CPLANE1: variants seen among roughly 807,000 people sequenced by gnomAD.
CPLANE1 encodes ciliogenesis and planar polarity effector 1.
Under a neutral mutation model 362.5 loss-of-function variants are expected in CPLANE1, and 263 were observed. The observed-to-expected ratio is 0.73, with a 90% confidence interval of 0.66 to 0.80. The LOEUF (loss-of-function observed/expected upper bound fraction) is 0.80, where lower values mean the gene tolerates loss of function less well. Among genes scored for constraint, CPLANE1 ranks in the 30% least tolerant of loss-of-function variants. The probability of loss-of-function intolerance (pLI) is 0.00; values close to 1 mark genes in which losing one functional copy is unlikely to be tolerated. For missense variants in CPLANE1, 3,461 were observed against 3,793.4 expected (o/e 0.91, Z 2.30); for synonymous variants, 1,212 against 1,302.6 (o/e 0.93, Z 1.50).
intron 16 of CPLANE1, among the ~76,000 whole-genome samples, chr5:37,207,488 A>G (rs1376576695): frequency 6.6e-6 from 1 of 152,236 alleles, no homozygotes; most frequent in African/African-American, 2.4e-5. Context: ...TTTTCTGAAA[A>G]TTTTACTACT....
the CPLANE1 span, among the ~76,000 whole-genome samples, chr5:37,097,150 A>C: frequency 6.6e-6 from 1 of 152,156 alleles, no homozygotes; most frequent in South Asian, 2.1e-4. Flanking sequence ...GGAGTTCGAG[A>C]CCAGCCTGGT....
intron 42 of CPLANE1, among the ~76,000 whole-genome samples, chr5:37,150,524 G>GCACA (rs146749059): frequency 1.3e-5 from 2 of 149,590 alleles, no homozygotes; most frequent in South Asian, 2.1e-4. Flanking sequence ...ACACACGCGC[G>GCACA]CACACACACA....
intron 44 of CPLANE1, chr5:37,139,780 G>A: frequency 1.2e-6 from 1 of 861,356 alleles, no homozygotes; most frequent in Non-Finnish European, 1.4e-6. Context: ...GAACTCCTGA[G>A]CTCAAGTGAT....
Position 37,167,041 on chromosome 5 carries a change from C to G in CPLANE1, c.7400+6G>C. 6.2e-7 allele frequency: 1 copy of G among 1,601,414 alleles called. No homozygotes were observed. The highest frequency in any genetic ancestry group is 1.8e-5 in the Admixed American group (1 of 57,030). Reference sequence around the variant, plus strand: ...ATTATCAAATAAAATTTCACTTAAGCCTTGCCTTTTTTTACTGTCCTTTCC... The same window carrying G: ...ATTATCAAATAAAATTTCACTTAAGGCTTGCCTTTTTTTACTGTCCTTTCC... On this transcript the variant is annotated splice_donor_region_variant and intron_variant, in intron 35 of 52. Coordinates refer to ENST00000651892, the MANE Select transcript of CPLANE1 (RefSeq NM_001384732.1).
At position 37,205,433 on chromosome 5, in the gene CPLANE1, A is replaced by C; in HGVS notation, c.3171T>G (p.Asn1057Lys). The change falls in exon 18 of 53, where the codon AAT (asparagine) becomes AAG (lysine). Residue 1057 changes from asparagine to lysine, a missense_variant. Around this residue, in one of 2 missense-constraint regions of CPLANE1, gnomAD observed 3,380 missense variants for 3,666.1 expected, o/e 0.92. Coordinates refer to ENST00000651892, the MANE Select transcript of CPLANE1 (RefSeq NM_001384732.1). Reference protein sequence around the residue: ...NFMRSKKKSLNLPLRMTPAQI... With the variant: ...NFMRSKKKSLKLPLRMTPAQI... Reference sequence around the variant, plus strand: ...GTGCTGGAGTCATACGGAGTGGTAGATTCAGACTCTTTTTCTTGGACCTGA... The same window carrying C: ...GTGCTGGAGTCATACGGAGTGGTAGCTTCAGACTCTTTTTCTTGGACCTGA... 6.5e-7 allele frequency: 1 copy of C among 1,541,280 alleles called. No homozygotes were observed. Among genetic ancestry groups the C allele is most frequent in the Middle Eastern group, 1.7e-4 (1 of 5,964 alleles).
intron 46 of CPLANE1, among the ~76,000 whole-genome samples, chr5:37,131,448 G>T (rs1029940017): frequency 6.6e-6 from 1 of 151,922 alleles, no homozygotes; most frequent in Non-Finnish European, 1.5e-5. Flanking sequence ...TTCTTCCCCT[G>T]AGCTCCCACA....
chr5:37,121,416 T>C (rs1762591609), intron 49 of CPLANE1, among the ~76,000 whole-genome samples: 1 of 152,266 alleles, frequency 6.6e-6, no homozygotes, highest in African/African-American at 2.4e-5. Flanking sequence ...GTGAGAAATA[T>C]AACACAATTT....
rs544273055 is a variant in CPLANE1 at position 37,203,368 on chromosome 5, AATTTGTTCCTCTTCACT to A, written c.3290-1577_3290-1561del. Among the ~76,000 whole-genome samples, 86 of 152,266 alleles carry A rather than the reference AATTTGTTCCTCTTCACT, an allele frequency of 5.6e-4. No individual in the cohort carries two copies. In the East Asian group the frequency reaches 8.5e-3, roughly 15 times the overall value. On this transcript the variant is annotated intron_variant, in intron 18 of 52. Coordinates refer to ENST00000651892, the MANE Select transcript of CPLANE1 (RefSeq NM_001384732.1). ...ATCTATGTTGTCACAAGTTATCAGC[AATTTGTTCCTCTTCACT>A]ATTTGTTATTCCATTTTAAAGATAT...
intron 4 of CPLANE1, among the ~76,000 whole-genome samples, chr5:37,245,141 C>T (rs1343971060): frequency 1.4e-4 from 20 of 145,902 alleles, no homozygotes; most frequent in Non-Finnish European, 3.0e-5. Context: ...GAGACTCCGT[C>T]TCAAAAAAAA....
rs10042218 is a variant in CPLANE1, at chr5:37,179,270, T to C, written c.5820+91A>G. 8,111 of 830,236 alleles carry C rather than the reference T, an allele frequency of 9.8e-3. 468 individuals carry two copies. In the African/African-American group the frequency reaches 0.12, roughly 13 times the overall value. The allele number at this position is 830,236 out of a possible 1,614,324, so 51.4% of individuals were successfully genotyped here. On this transcript the variant is annotated intron_variant, in intron 29 of 52. Coordinates refer to ENST00000651892, the MANE Select transcript of CPLANE1 (RefSeq NM_001384732.1). ...TTTTTAAGAGCTAGCCCTGCTTTGA[T>C]ATATTTAATAACAATGAATAAAAAC...
chr5:37,173,798 G>A lies in CPLANE1; in HGVS notation c.6128C>T (p.Ser2043Phe). The part of the protein sequence containing the change: ...FTAQLPDCSE[S>F]VRQMLQDEMF... ...TTCATCTTGCAGCATCTGCCTAACG[G>A]ACTCCGAACAATCTGGTAACTGAGC... Residue 2043 changes from serine (S) to phenylalanine (F), a missense_variant, in exon 32 of 53, where the codon TCC becomes TTC. Ser to Phe is a radical substitution (Grantham distance 155, BLOSUM62 -2). Coordinates refer to ENST00000651892, the MANE Select transcript of CPLANE1 (RefSeq NM_001384732.1). 1 of 1,614,118 alleles carries A rather than the reference G, an allele frequency of 6.2e-7. No homozygotes were observed. The highest frequency in any genetic ancestry group is 8.5e-7 in the Non-Finnish European group (1 of 1,180,020).
intron 30 of CPLANE1, among the ~76,000 whole-genome samples, chr5:37,177,223 G>A (rs1781421158): frequency 6.6e-6 from 1 of 152,102 alleles, no homozygotes; most frequent in Admixed American, 6.6e-5. Context: ...AATGAATAGT[G>A]TATAGTAATC....
At chr5:37,111,770 G>A (rs75321543) in intron 51 of CPLANE1, among the ~76,000 whole-genome samples, 2,448 of 152,168 alleles carry the variant, frequency 0.016, 71 homozygotes, top group African/African-American at 0.055. Flanking sequence ...AAATGCCACT[G>A]AAAGTTCCAT....
Position 37,153,754 on chromosome 5 carries a change from G to C in CPLANE1, c.8359C>G (p.Leu2787Val), listed in dbSNP as rs777345649. ...AGGTAGTCTACCTTATCACAATGTA[G>C]ATCTAGCATTTCAGGCTTGGGGAAA... Reference protein sequence around the residue: ...QDFPKPEMLDLHCDKIGPVDH... With the variant: ...QDFPKPEMLDVHCDKIGPVDH... Residue 2787 changes from leucine to valine, a missense_variant, in exon 42 of 53, where the codon CTA becomes GTA. This residue lies in a region of CPLANE1 where 3,380 missense variants were observed against 3,666.1 expected (regional missense o/e 0.92). Transcript: ENST00000651892. 1 of 1,612,698 alleles carries C rather than the reference G, an allele frequency of 6.2e-7. No homozygotes were observed. The highest frequency in any genetic ancestry group is 1.7e-5 in the Admixed American group (1 of 59,968).
intron 46 of CPLANE1, among the ~76,000 whole-genome samples, chr5:37,132,007 C>T (rs1308870962): frequency 6.6e-6 from 1 of 152,070 alleles, no homozygotes; most frequent in Non-Finnish European, 1.5e-5. Flanking sequence ...TTACTGTTAA[C>T]ACGATCATTA....
rs924551806 is a variant in CPLANE1 at position 37,184,977 on chromosome 5, A to C, written c.4292T>G (p.Val1431Gly). ...TTCTTCAATTGGTTCCCATATATTCACTTCAAAAGAGCCTATATTTCTCTG... is the reference window on the plus strand; with the variant it reads ...TTCTTCAATTGGTTCCCATATATTCCCTTCAAAAGAGCCTATATTTCTCTG... Reference protein sequence around the residue: ...RVQRNIGSFEVNIWEPIEEEK... With the variant: ...RVQRNIGSFEGNIWEPIEEEK... Residue 1431 changes from valine (V) to glycine (G), a missense_variant, in exon 25 of 53, where the codon GTG becomes GGG. Transcript: ENST00000651892. The C allele has an allele frequency of 2.5e-6, 4 of 1,613,982 alleles. No individual in the cohort carries two copies. Among genetic ancestry groups the C allele is most frequent in the Admixed American group, 1.7e-5 (1 of 60,006 alleles).
At chr5:37,118,770 G>A (rs1761794918) in intron 50 of CPLANE1, among the ~76,000 whole-genome samples, 1 of 150,684 alleles carries the variant, frequency 6.6e-6, no homozygotes, top group African/African-American at 2.5e-5. Context: ...CTGGAGTGCA[G>A]TGGTGCGATC....
chr5:37,162,518 G>A lies in CPLANE1; in HGVS notation c.7637C>T (p.Ser2546Phe), dbSNP rs1367845087. Reference sequence around the variant, plus strand: ...ACTTCCTATAGCTTTCTTTTTTACAGAGGCCATGAAATGCAATCCAGCTGA... The same window carrying A: ...ACTTCCTATAGCTTTCTTTTTTACAAAGGCCATGAAATGCAATCCAGCTGA... ...NTSAGLHFMA[S>F]VKKKAIGSQD... Residue 2546 changes from serine (S) to phenylalanine (F), a missense_variant, in exon 38 of 53, where the codon TCT becomes TTT. Around this residue, in one of 2 missense-constraint regions of CPLANE1, gnomAD observed 3,380 missense variants for 3,666.1 expected, o/e 0.92. Coordinates refer to ENST00000651892, the MANE Select transcript of CPLANE1 (RefSeq NM_001384732.1). The A allele has an allele frequency of 6.2e-7, 1 of 1,613,030 alleles. No individual in the cohort carries two copies. Among genetic ancestry groups the A allele is most frequent in the South Asian group, 1.1e-5 (1 of 91,020 alleles).
chr5:37,242,067 T>C (rs1231200342), intron 6 of CPLANE1, among the ~76,000 whole-genome samples: 3 of 152,160 alleles, frequency 2.0e-5, no homozygotes, highest in Non-Finnish European at 4.4e-5. Flanking sequence ...AAATAATGCA[T>C]ATTTTCGGCT....
Sources: allele counts gnomAD v4.1 joint callset (sites outside exome capture counted in the v4.1 genomes callset), GRCh38; gene constraint gnomAD v4.1.1; regional missense constraint gnomAD v4.1.1; transcripts MANE v1.5; gene names NCBI Gene and HGNC (gene_info 2026-07-23, HGNC 2026-07-21).